Variants in ZNF592 observed in about 807,000 individuals in gnomAD.
The protein encoded by ZNF592 is spinocerebellar ataxia, autosomal recessive 5.
A neutral mutation model predicts 80.3 loss-of-function variants in ZNF592; 11 were observed. The ratio of observed to expected loss-of-function variants is 0.14; its 90% CI spans 0.09 to 0.23. The LOEUF (loss-of-function observed/expected upper bound fraction) is 0.23, where lower values mean the gene tolerates loss of function less well. ZNF592 is among the 10% of genes least tolerant of loss of function. The pLI is 1.00. For missense variants in ZNF592, 1,420 were observed against 1,633.9 expected (o/e 0.87, Z 2.26); for synonymous variants, 646 against 640.3 (o/e 1.01, Z -0.13).
At chr15:84,792,135 G>A (rs1190846190) in intron 5 of ZNF592, among the ~76,000 whole-genome samples, 1 of 152,042 alleles carries the variant, frequency 6.6e-6, no homozygotes, top group Non-Finnish European at 1.5e-5. Context: ...GATGCTGAGG[G>A]CTTCACTGAA....
chr15:84,799,169 C>T lies in ZNF592; in HGVS notation c.3096C>T (p.Ile1032=), dbSNP rs1963021144. The T allele has an allele frequency of 1.2e-6, 2 of 1,614,090 alleles. No individual in the cohort carries two copies. Among genetic ancestry groups the T allele is most frequent in the Admixed American group, 3.3e-5 (2 of 60,008 alleles). The part of the protein sequence containing the change: ...FHTPNSLRKH[I]RNNHDTVKKF... The stretch of plus-strand genomic sequence containing the variant: ...CCCCCAACAGCCTGCGCAAACACAT[C>T]CGCAACAACCATGACACAGTAAAGA... Residue 1032 remains isoleucine, a synonymous_variant, in exon 9 of 11, where the codon ATC becomes ATT. Transcript: ENST00000560079. This position sits in a 1 kb window ranked among gnomAD's most constrained non-coding sequence, Gnocchi z 4.2.
chr15:84,794,108 G>A (rs1293604436), intron 5 of ZNF592, among the ~76,000 whole-genome samples: 1 of 152,146 alleles, frequency 6.6e-6, no homozygotes, highest in African/African-American at 2.4e-5. Flanking sequence ...GGGGGCTAGG[G>A]GAGGGATAGC....
In ZNF592 at chr15:84,784,001, C is replaced by T. The variant is rs762762761; in HGVS notation, c.1326C>T (p.Pro442=). ...FPEAGTNSGS[P]QGARKGDESM... is the part of the protein sequence containing the mutation. ...AGGCAGGCACAAATTCAGGGAGCCC[C>T]CAGGGGGCCAGGAAAGGGGACGAGA... Residue 442 remains proline (P), a synonymous_variant, in exon 4 of 11, where the codon CCC becomes CCT. Coordinates refer to ENST00000560079, the MANE Select transcript of ZNF592 (RefSeq NM_014630.3). The surrounding 1 kb of genome is among the most constrained non-coding windows in gnomAD (Gnocchi z 5.8). 1.9e-6 allele frequency: 3 copies of T among 1,611,054 alleles called. No homozygotes were observed. The East Asian group carries it at 6.7e-5, about 36-fold the overall frequency.
intron 5 of ZNF592, among the ~76,000 whole-genome samples, chr15:84,796,260 ATATATTTT>A (rs1962911188): frequency 7.2e-5 from 2 of 27,696 alleles, no homozygotes; most frequent in African/African-American, 1.9e-4. Flanking sequence ...ATATATATAT[ATATATTTT>A]ATATATATAT....
intron 5 of ZNF592, among the ~76,000 whole-genome samples, chr15:84,795,987 C>T (rs960737976): frequency 6.6e-6 from 1 of 151,512 alleles, no homozygotes; most frequent in Admixed American, 6.6e-5. Context: ...TTTGGGAGGC[C>T]GAGGTCAGTG....
chr15:84,757,333 T>G (rs989532659), intron 1 of ZNF592, among the ~76,000 whole-genome samples: 1 of 119,672 alleles, frequency 8.4e-6, no homozygotes, highest in Non-Finnish European at 1.6e-5. Context: ...TTTCTTTCTT[T>G]CTTTCCTTTT....
rs924329353 is a variant in ZNF592, at chr15:84,804,604, G to A, written c.*2211G>A. ...TAGAGTTAGTAATTCCCATCCAACTGGCTTCACAGGCTTTTGTGAGCTTAT... is the reference window on the plus strand; with the variant it reads ...TAGAGTTAGTAATTCCCATCCAACTAGCTTCACAGGCTTTTGTGAGCTTAT... On this transcript the variant is annotated 3_prime_UTR_variant, in exon 11 of 11. Transcript: ENST00000560079. 6.6e-6 allele frequency: 1 copy of A among 152,316 alleles called. No homozygotes were observed. Among genetic ancestry groups the A allele is most frequent in the East Asian group, 1.9e-4 (1 of 5,194 alleles). The allele number at this position is 152,316 out of a possible 1,614,324, so 9.4% of individuals were successfully genotyped here. A position where few individuals can be genotyped will look rare whatever the true frequency, so the allele number is the denominator to read the frequency against.
intron 5 of ZNF592, among the ~76,000 whole-genome samples, chr15:84,794,319 G>A (rs894003869): frequency 1.1e-4 from 17 of 152,070 alleles, no homozygotes; most frequent in Admixed American, 3.9e-4. Context: ...TGACTGCAGC[G>A]TTTTTACATC....
intron 2 of ZNF592, among the ~76,000 whole-genome samples, chr15:84,775,155 G>C (rs554946236): frequency 6.6e-5 from 10 of 151,708 alleles, no homozygotes; most frequent in Non-Finnish European, 1.2e-4. Context: ...GAGTACAGTG[G>C]TGCAATCTTG....
intron 1 of ZNF592, among the ~76,000 whole-genome samples, chr15:84,761,626 G>C (rs1233441972): frequency 6.6e-6 from 1 of 152,172 alleles, no homozygotes; most frequent in Admixed American, 6.5e-5. Context: ...TCAGGTTGAG[G>C]GGTCTGGGGG....
At position 84,790,726 on chromosome 15, in the gene ZNF592, C is replaced by T. The variant is rs201554213; in HGVS notation, c.2242C>T (p.Leu748=). Residue 748 remains leucine (L), a synonymous_variant, in exon 5 of 11, where the codon CTG becomes TTG. Transcript: ENST00000560079. ...CTAGACCTGCCAGGTATGCCAAATG[C>T]TGCTGCCCAACCAGTGCAGTTTCTG... is the stretch of plus-strand genomic sequence containing the variant. The part of the protein sequence containing the change: ...EGLTCQVCQM[L]LPNQCSFCAH... The T allele has an allele frequency of 1.0e-4, 161 of 1,614,138 alleles. 1 individual carries two copies. In the East Asian group the frequency reaches 2.3e-3, roughly 23 times the overall value.
chr15:84,756,104 C>G (rs1029527671), intron 1 of ZNF592, among the ~76,000 whole-genome samples: 3 of 152,352 alleles, frequency 2.0e-5, no homozygotes, highest in Admixed American at 2.0e-4. Context: ...CTTGATGTTA[C>G]AACCTGGGGA....
intron 1 of ZNF592, 46 bp from the exon 2 acceptor site, chr15:84,764,661 C>G: frequency 2.5e-6 from 1 of 398,414 alleles, no homozygotes; most frequent in Non-Finnish European, 4.4e-6. Context: ...CTAACACTTA[C>G]CTTCAGACCC....
intron 3 of ZNF592, among the ~76,000 whole-genome samples, chr15:84,779,883 A>G (rs374640964): frequency 1.3e-5 from 2 of 151,852 alleles, no homozygotes; most frequent in African/African-American, 2.4e-5. Flanking sequence ...TAGACACACA[A>G]TCAACTTCTC....
At position 84,799,999 on chromosome 15, in the gene ZNF592, A is replaced by G. The variant is rs751365649; in HGVS notation, c.3273+22A>G. ...TCAGGTGAGTGTGGGCTCCCTGCCT[A>G]TTGGAGCTGGCTGCTCAGTGAGGCT... is the stretch of plus-strand genomic sequence containing the variant. On this transcript the variant is annotated intron_variant, in intron 10 of 10. Transcript: ENST00000560079. This position sits in a 1 kb window ranked among gnomAD's most constrained non-coding sequence, Gnocchi z 4.2. 6.2e-6 allele frequency: 10 copies of G among 1,613,874 alleles called. No individual in the cohort carries two copies. Among genetic ancestry groups the G allele is most frequent in the African/African-American group, 2.7e-5 (2 of 74,900 alleles).
Position 84,799,345 on chromosome 15 carries a change from C to A in ZNF592, c.3137+135C>A. On this transcript the variant is annotated intron_variant, in intron 9 of 10. Coordinates refer to ENST00000560079, the MANE Select transcript of ZNF592 (RefSeq NM_014630.3). The surrounding 1 kb of genome is among the most constrained non-coding windows in gnomAD (Gnocchi z 4.2). ...AGTGATTTCCAACTGGAAGAAATTG[C>A]GGCTAAGTCAGAAATCAGGGGCAGG... 1 of 981,584 alleles carries A rather than the reference C, an allele frequency of 1.0e-6. No homozygotes were observed. The highest frequency in any genetic ancestry group is 1.3e-5 in the South Asian group (1 of 74,980). The allele number at this position is 981,584 out of a possible 1,614,324, so 60.8% of individuals were successfully genotyped here. A position where few individuals can be genotyped will look rare whatever the true frequency, so the allele number is the denominator to read the frequency against.
intron 1 of ZNF592, among the ~76,000 whole-genome samples, chr15:84,749,237 T>A (rs1005598361): frequency 6.6e-6 from 1 of 152,084 alleles, no homozygotes; most frequent in African/African-American, 2.4e-5. Flanking sequence ...TCCTCAGGGG[T>A]GACCAGGCCT....
chr15:84,796,494 G>A (rs947318606), intron 5 of ZNF592, among the ~76,000 whole-genome samples: 8 of 151,684 alleles, frequency 5.3e-5, no homozygotes, highest in Admixed American at 2.6e-4. Context: ...AGACCTATGT[G>A]TGTTCTTGGG....
Position 84,784,342 on chromosome 15 carries a change from A to C in ZNF592, c.1667A>C (p.Asn556Thr). Residue 556 changes from asparagine (N) to threonine (T), a missense_variant, in exon 4 of 11, where the codon AAC (asparagine) becomes ACC (threonine). Coordinates refer to ENST00000560079, the MANE Select transcript of ZNF592 (RefSeq NM_014630.3). This position sits in a 1 kb window ranked among gnomAD's most constrained non-coding sequence, Gnocchi z 5.8. ...KAAPLIVEVF[N>T]KVLHSSNPVP... ...GCCCCACTGATTGTAGAGGTCTTCA[A>C]CAAGGTCCTTCACAGCTCCAACCCC... The C allele has an allele frequency of 1.2e-6, 2 of 1,614,234 alleles. No individual in the cohort carries two copies. Among genetic ancestry groups the C allele is most frequent in the Non-Finnish European group, 1.7e-6 (2 of 1,180,040 alleles).
Sources: allele counts gnomAD v4.1 joint callset (sites outside exome capture counted in the v4.1 genomes callset), GRCh38; gene constraint gnomAD v4.1.1; non-coding constraint Gnocchi (gnomAD v3.1); transcripts MANE v1.5; gene names NCBI Gene and HGNC (gene_info 2026-07-23, HGNC 2026-07-21).